Variants in KHDRBS2 observed in about 807,000 individuals in gnomAD.
KHDRBS2 encodes KH domain-containing, RNA-binding, signal transduction-associated protein 2.
Under a neutral mutation model 44.3 loss-of-function variants are expected in KHDRBS2, and 26 were observed. That is an observed-to-expected ratio of 0.59 (90% confidence interval 0.43 to 0.81). KHDRBS2 has a LOEUF of 0.81. Among genes scored for constraint, KHDRBS2 ranks in the 40% least tolerant of loss-of-function variants. The pLI is 0.00. For synonymous variants in KHDRBS2, 194 were observed against 151.1 expected (o/e 1.28, Z -2.08); for missense variants, 476 against 433.1 (o/e 1.10, Z -0.88).
chr6:62,128,070 C>A (rs2150087638), intron 2 of KHDRBS2, among the ~76,000 whole-genome samples: 1 of 152,208 alleles, frequency 6.6e-6, no homozygotes, highest in East Asian at 1.9e-4. Flanking sequence ...AATGCAGAAA[C>A]AGTTACTTCC....
chr6:62,199,152 G>A (rs1364820377), intron 1 of KHDRBS2, among the ~76,000 whole-genome samples: 2 of 152,142 alleles, frequency 1.3e-5, no homozygotes, highest in Non-Finnish European at 2.9e-5. Flanking sequence ...GCAAAAACTG[G>A]AAGCATTCCC....
intron 6 of KHDRBS2, among the ~76,000 whole-genome samples, chr6:61,788,900 T>C (rs925093268): frequency 1.3e-5 from 2 of 151,336 alleles, no homozygotes; most frequent in Non-Finnish European, 1.5e-5. Flanking sequence ...TAACCCAAGA[T>C]ACATATAAAA....
chr6:61,908,954 TA>T (rs1361894011), intron 4 of KHDRBS2, among the ~76,000 whole-genome samples: 1 of 152,170 alleles, frequency 6.6e-6, no homozygotes, highest in Non-Finnish European at 1.5e-5. Context: ...AAAGTAGCTT[TA>T]AAAATGATGA....
chr6:62,157,394 G>T (rs1416794832), intron 2 of KHDRBS2, among the ~76,000 whole-genome samples: 1 of 151,982 alleles, frequency 6.6e-6, no homozygotes, highest in African/African-American at 2.4e-5. Context: ...TTCAATATTT[G>T]TTTCATAGTT....
the KHDRBS2 span, among the ~76,000 whole-genome samples, chr6:61,645,545 G>A: frequency 6.6e-6 from 1 of 151,656 alleles, no homozygotes; most frequent in Non-Finnish European, 1.5e-5. Context: ...AGGTATTTGA[G>A]TAGTCCTTGG....
intron 6 of KHDRBS2, among the ~76,000 whole-genome samples, chr6:61,865,332 T>G (rs1340279109): frequency 6.6e-6 from 1 of 152,198 alleles, no homozygotes; most frequent in African/African-American, 2.4e-5. Flanking sequence ...GAAGTTTTAA[T>G]GGACTCACAG....
Position 61,934,028 on chromosome 6 carries a change from T to A in KHDRBS2, c.484-32657A>T, listed in dbSNP as rs142174234. The stretch of plus-strand genomic sequence containing the variant: ...CTAACTGGGGTGATGTGATTTGTGG[T>A]TTTGATTTGCATTAGTGATGTTGAA... On this transcript the variant is annotated intron_variant, in intron 4 of 8. Coordinates refer to ENST00000281156, the MANE Select transcript of KHDRBS2 (RefSeq NM_152688.4). Among the ~76,000 whole-genome samples, 4 of 152,244 alleles carry A rather than the reference T, an allele frequency of 2.6e-5. No individual in the cohort carries two copies. In the East Asian group the frequency reaches 7.7e-4, roughly 29 times the overall value.
At chr6:62,029,604 T>C (rs1485181488) in intron 3 of KHDRBS2, among the ~76,000 whole-genome samples, 1 of 151,982 alleles carries the variant, frequency 6.6e-6, no homozygotes, top group Non-Finnish European at 1.5e-5. Context: ...AGCATATTTA[T>C]TCTCCATTAC....
intron 6 of KHDRBS2, among the ~76,000 whole-genome samples, chr6:61,773,844 T>A (rs1317228617): frequency 6.7e-6 from 1 of 150,308 alleles, no homozygotes; most frequent in Admixed American, 6.6e-5. Context: ...AGGGATCCAG[T>A]TTCAGCTTTC....
chr6:62,016,563 T>C (rs1781241660), intron 3 of KHDRBS2, among the ~76,000 whole-genome samples: 1 of 148,966 alleles, frequency 6.7e-6, no homozygotes, highest in Non-Finnish European at 1.5e-5. Flanking sequence ...TATATAAATA[T>C]AAGAATATTT....
At chr6:61,665,711 A>C in the KHDRBS2 span, among the ~76,000 whole-genome samples, 2 of 151,220 alleles carry the variant, frequency 1.3e-5, no homozygotes, top group African/African-American at 4.8e-5. Context: ...ATCCAGAATT[A>C]AATGTATTAC....
intron 1 of KHDRBS2, among the ~76,000 whole-genome samples, chr6:62,277,337 T>C (rs1375770007): frequency 6.6e-6 from 1 of 151,974 alleles, no homozygotes; most frequent in Non-Finnish European, 1.5e-5. Flanking sequence ...TCTGTTGTTT[T>C]TGTTTTGTTT....
At chr6:61,837,587 T>TGGA (rs1353405256) in intron 6 of KHDRBS2, among the ~76,000 whole-genome samples, 5 of 151,884 alleles carry the variant, frequency 3.3e-5, no homozygotes, top group Non-Finnish European at 7.4e-5. Context: ...TCATAATGGG[T>TGGA]GGAAATAGGT....
rs149832288 is a variant in KHDRBS2, at chr6:61,979,233, T to A, written c.337-1021A>T. On this transcript the variant is annotated intron_variant, in intron 3 of 8. Transcript: ENST00000281156. ...GACCCAGTTCATTTTGCAAGCAGAT[T>A]TGCATTTTTTAGAATTTCAAGATGT... is the stretch of plus-strand genomic sequence containing the variant. Among the ~76,000 whole-genome samples the A allele has an allele frequency of 1.0e-3, 157 of 152,202 alleles. 1 individual carries two copies. The highest frequency in any genetic ancestry group is 1.3e-3 in the African/African-American group (55 of 41,556).
intron 2 of KHDRBS2, among the ~76,000 whole-genome samples, chr6:62,159,180 A>T (rs1487955403): frequency 6.6e-6 from 1 of 152,176 alleles, no homozygotes; most frequent in East Asian, 1.9e-4. Flanking sequence ...TAAATAATGA[A>T]ACCATAATAT....
chr6:61,655,882 T>G, the KHDRBS2 span, among the ~76,000 whole-genome samples: 1 of 152,040 alleles, frequency 6.6e-6, no homozygotes, highest in African/African-American at 2.4e-5. Context: ...TGTTTGAAGT[T>G]TTTGTACATT....
At chr6:61,849,965 T>A (rs745913040) in intron 6 of KHDRBS2, among the ~76,000 whole-genome samples, 1 of 152,138 alleles carries the variant, frequency 6.6e-6, no homozygotes, top group Admixed American at 6.6e-5. Context: ...GTCTGAACTT[T>A]GACAAACAAA....
chr6:62,067,090 C>A (rs998109930), intron 2 of KHDRBS2, among the ~76,000 whole-genome samples: 3 of 151,384 alleles, frequency 2.0e-5, no homozygotes, highest in African/African-American at 7.3e-5. Context: ...TAAATATTGT[C>A]AATCTGTTCA....
At chr6:61,701,414 A>G (rs774750789) in intron 7 of KHDRBS2, among the ~76,000 whole-genome samples, 1 of 151,970 alleles carries the variant, frequency 6.6e-6, no homozygotes, top group Non-Finnish European at 1.5e-5. Context: ...AAGAGATAAT[A>G]TACAGTGCTC....
Sources: gnomAD v4.1 joint callset for allele counts (sites outside exome capture counted in the v4.1 genomes callset) on GRCh38, gnomAD v4.1.1 for gene constraint, MANE v1.5 for transcripts, NCBI Gene and HGNC (gene_info 2026-07-23, HGNC 2026-07-21) for gene names.